Variants in DUOX1 observed in about 807,000 individuals in gnomAD.
The protein encoded by DUOX1 is NADPH thyroid oxidase 1.
In DUOX1, 134 loss-of-function variants were observed where a neutral mutation model predicts 181.8. The observed-to-expected ratio is 0.74, with a 90% CI of 0.64 to 0.85. DUOX1 has a LOEUF of 0.85. Among genes scored for constraint, DUOX1 ranks in the 40% least tolerant of loss-of-function variants. DUOX1 has a pLI of 0.00. For synonymous variants in DUOX1, 798 were observed against 832.5 expected, an observed-to-expected ratio of 0.96 and a Z score of 0.71; for missense variants, 1,814 against 2,064.4, an observed-to-expected ratio of 0.88 and a Z score of 2.35.
rs1385907752 is a variant in DUOX1 at position 45,164,768 on chromosome 15, T to TC, written c.4534-9dup. The TC allele has an allele frequency of 6.2e-7, 1 of 1,614,184 alleles. No individual in the cohort carries two copies. Among genetic ancestry groups the TC allele is most frequent in the South Asian group, 1.1e-5 (1 of 91,086 alleles). On this transcript the variant is annotated splice_polypyrimidine_tract_variant and intron_variant, in intron 33 of 33. Coordinates refer to ENST00000389037, the MANE Select transcript of DUOX1 (RefSeq NM_175940.3). The stretch of plus-strand genomic sequence containing the variant: ...CAAAGAGTTAGCCTCCACTTATTCC[T>TC]CCTGCAACAGGTCCGGAAGATCGGG...
chr15:45,153,488 G>C lies in DUOX1; in HGVS notation c.3524+9G>C, dbSNP rs1392544000. On this transcript the variant is annotated intron_variant, in intron 26 of 33. Coordinates refer to ENST00000389037, the MANE Select transcript of DUOX1 (RefSeq NM_175940.3). ...CTCTTCCATGATGATGGGTGAGTAA[G>C]TGCGAATGTGTGTGTGTGTGTGTGT... 1 of 1,512,866 alleles carries C rather than the reference G, an allele frequency of 6.6e-7. No individual in the cohort carries two copies. The highest frequency in any genetic ancestry group is 2.3e-5 in the East Asian group (1 of 44,420). The allele number at this position is 1,512,866 out of a possible 1,614,324, so 93.7% of individuals were successfully genotyped here. A position where few individuals can be genotyped will look rare whatever the true frequency, so the allele number is the denominator to read the frequency against.
At chr15:45,161,013 G>T (rs759627582) in intron 29 of DUOX1, 23 bp downstream of exon 29, 2 of 1,613,854 alleles carry the variant, frequency 1.2e-6, no homozygotes, top group Admixed American at 1.7e-5. Context: ...CAGGAGATCA[G>T]CTTGGTGACA....
chr15:45,150,003 AC>A (rs1202079676), intron 21 of DUOX1, among the ~76,000 whole-genome samples: 1 of 152,122 alleles, frequency 6.6e-6, no homozygotes, highest in African/African-American at 2.4e-5. Flanking sequence ...TCTTCTTTTG[AC>A]CTCAACTATA....
At position 45,163,972 on chromosome 15, in the gene DUOX1, C is replaced by A; in HGVS notation, c.4533+54C>A. Reference sequence around the variant, plus strand: ...TCCTCTTTATCATTTGGGGTCTGAGCAAAGCTCCCAAACCTTCCCCATCGA... The same window carrying A: ...TCCTCTTTATCATTTGGGGTCTGAGAAAAGCTCCCAAACCTTCCCCATCGA... On this transcript the variant is annotated intron_variant, in intron 33 of 33. Transcript: ENST00000389037. 5 of 1,590,368 alleles carry A rather than the reference C, an allele frequency of 3.1e-6. No homozygotes were observed. The South Asian group carries it at 5.7e-5, about 18-fold the overall frequency.
rs1896694415 is a variant in DUOX1, at chr15:45,147,836, C to A, written c.2549-68C>A. The stretch of plus-strand genomic sequence containing the variant: ...GGGTCATCACACTGGTGTGAGGCCC[C>A]TTTTGGCCAGCCTGGGGGTTCAGGC... On this transcript the variant is annotated intron_variant, in intron 19 of 33. Transcript: ENST00000389037. 3 of 1,543,810 alleles carry A rather than the reference C, an allele frequency of 1.9e-6. No homozygotes were observed. In the Admixed American group the frequency reaches 5.0e-5, roughly 26 times the overall value.
In DUOX1 at chr15:45,136,610, C is replaced by T. The variant is rs372507382; in HGVS notation, c.1007C>T (p.Pro336Leu). 1 of 1,613,970 alleles carries T rather than the reference C, an allele frequency of 6.2e-7. No homozygotes were observed. Among genetic ancestry groups the T allele is most frequent in the African/African-American group, 1.3e-5 (1 of 74,906 alleles). ...CAGTTCCTGTCCACCATGGTGCCCC[C>T]TGGCGTCTACATGAGGTGAGGGAGG... is the stretch of plus-strand genomic sequence containing the variant. ...SEQFLSTMVP[P>L]GVYMRNASCH... Residue 336 changes from proline to leucine, a missense_variant, in exon 9 of 34, where the codon CCT becomes CTT. Around this residue, in one of 5 missense-constraint regions of DUOX1, gnomAD observed 1,064 missense variants for 1,152.9 expected, o/e 0.92. Transcript: ENST00000389037.
Position 45,150,711 on chromosome 15 carries a change from C to T in DUOX1, c.2888+10C>T. On this transcript the variant is annotated intron_variant, in intron 22 of 33. Coordinates refer to ENST00000389037, the MANE Select transcript of DUOX1 (RefSeq NM_175940.3). ...GCCAGGATATGATCTGGTGAGCACC[C>T]ATCTGGGAATGTCGGGGGGAGGAGT... 2 of 1,613,526 alleles carry T rather than the reference C, an allele frequency of 1.2e-6. No homozygotes were observed. The highest frequency in any genetic ancestry group is 2.7e-5 in the African/African-American group (2 of 75,012).
At chr15:45,133,112 C>A (rs1896196402) in intron 2 of DUOX1, among the ~76,000 whole-genome samples, 1 of 152,174 alleles carries the variant, frequency 6.6e-6, no homozygotes, top group Non-Finnish European at 1.5e-5. Flanking sequence ...ATCCCTGATT[C>A]CATTATCCAT....
Position 45,151,252 on chromosome 15 carries a change from T to G in DUOX1, c.3014+4T>G, listed in dbSNP as rs775585515. On this transcript the variant is annotated splice_donor_region_variant and intron_variant, in intron 23 of 33. Coordinates refer to ENST00000389037, the MANE Select transcript of DUOX1 (RefSeq NM_175940.3). ...TTCGGCGGAGGTTTGGCAAGAAGTA[T>G]GTCTGCTCTTCCCCTTAAGCCCAGG... 1 of 1,613,602 alleles carries G rather than the reference T, an allele frequency of 6.2e-7. No homozygotes were observed. Among genetic ancestry groups the G allele is most frequent in the South Asian group, 1.1e-5 (1 of 90,988 alleles).
chr15:45,135,996 A>C, intron 7 of DUOX1, 48 bp downstream of exon 7: 1 of 782,676 alleles, frequency 1.3e-6, no homozygotes, highest in South Asian at 1.8e-5. Flanking sequence ...GTGCAAGCCC[A>C]CGGGAGACTC....
rs1303859028 is a variant in DUOX1, at chr15:45,137,921, C to T, written c.1023-3C>T. 1.2e-6 allele frequency: 2 copies of T among 1,601,440 alleles called. No homozygotes were observed. Among genetic ancestry groups the T allele is most frequent in the South Asian group, 1.1e-5 (1 of 89,064 alleles). ...CACCATCTCCCTGCTCCTTGCATTT[C>T]AGAAATGCCAGCTGCCACTTCCAGG... On this transcript the variant is annotated splice_polypyrimidine_tract_variant and splice_region_variant and intron_variant, in intron 9 of 33. Transcript: ENST00000389037.
Position 45,151,133 on chromosome 15 carries a change from AGAGT to A in DUOX1, c.2905_2908del (p.Ser969ProfsTer12), listed in dbSNP as rs1896790401. ...CCATTCTTGTCTTAGTCCCTCTCCC[AGAGT>A]GAGTGCCCGCTGTTCCCGCAGCGAC... On this transcript the variant is annotated frameshift_variant, in exon 23 of 34. Coordinates refer to ENST00000389037, the MANE Select transcript of DUOX1 (RefSeq NM_175940.3). LOFTEE classifies it high-confidence loss of function. 2 of 1,614,128 alleles carry A rather than the reference AGAGT, an allele frequency of 1.2e-6. No individual in the cohort carries two copies. Among genetic ancestry groups the A allele is most frequent in the Non-Finnish European group, 1.7e-6 (2 of 1,180,016 alleles).
rs144461893 is a variant in DUOX1, at chr15:45,164,806, G to C, written c.4561G>C (p.Gly1521Arg). 515 of 1,614,114 alleles carry C rather than the reference G, an allele frequency of 3.2e-4. 6 individuals are homozygous for C. The highest frequency in any genetic ancestry group is 1.7e-3 in the South Asian group (157 of 91,076). Residue 1521 changes from glycine to arginine, a missense_variant, in exon 34 of 34, where the codon GGC becomes CGC. Transcript: ENST00000389037. ...QVRKIGVFSCGPPGMTKNVEK... is the reference protein window; with the variant it reads ...QVRKIGVFSCRPPGMTKNVEK... ...CCGGAAGATCGGGGTGTTTAGCTGTGGCCCCCCTGGCATGACCAAGAATGT... is the reference window on the plus strand; with the variant it reads ...CCGGAAGATCGGGGTGTTTAGCTGTCGCCCCCCTGGCATGACCAAGAATGT...
At position 45,154,601 on chromosome 15, in the gene DUOX1, T is replaced by TG. The variant is rs1328317294; in HGVS notation, c.3574+601_3574+602insG. ...CTCTGTGAAACACAGCATGGTTTTT[T>TG]TTTTTTTTTTAATCCTAAAATGATC... On this transcript the variant is annotated intron_variant, in intron 27 of 33. Transcript: ENST00000389037. Among the ~76,000 whole-genome samples the TG allele has an allele frequency of 2.6e-5, 4 of 151,470 alleles. 1 individual carries two copies. Among genetic ancestry groups the TG allele is most frequent in the Non-Finnish European group, 2.9e-5 (2 of 67,852 alleles).
intron 15 of DUOX1, among the ~76,000 whole-genome samples, chr15:45,142,801 G>A (rs62025130): frequency 0.47 from 67,802 of 143,072 alleles, 16,428 homozygotes; most frequent in South Asian, 0.61. Context: ...GGGAGGAAGG[G>A]AGGGAGGAAG....
At chr15:45,142,767 A>AGGAAGGAAGGAAGGAAGGAAG (rs1279416229) in intron 15 of DUOX1, among the ~76,000 whole-genome samples, 1 of 115,160 alleles carries the variant, frequency 8.7e-6, no homozygotes, top group African/African-American at 3.1e-5. Context: ...AAGGAAGGAA[A>AGGAAGGAAGGAAGGAAGGAAG]GAAGGAAGGA....
At chr15:45,151,085 G>C (rs1253399772) in intron 22 of DUOX1, 38 bp from the exon 23 acceptor site, 2 of 1,611,178 alleles carry the variant, frequency 1.2e-6, no homozygotes, top group Admixed American at 1.7e-5. Context: ...GAGTGGTTGA[G>C]ATGGCCAGCA....
intron 33 of DUOX1, 41 bp downstream of exon 33, chr15:45,163,959 T>A (rs1434003739): frequency 1.0e-5 from 16 of 1,604,160 alleles, no homozygotes; most frequent in Non-Finnish European, 1.4e-5. Flanking sequence ...CTCTTTATCA[T>A]TTGGGGTCTG....
chr15:45,148,330 G>C lies in DUOX1; in HGVS notation c.2701G>C (p.Glu901Gln), dbSNP rs375654277. ...CAAGGCCCAGCTGGCTGAGGTGGTG[G>C]AGTCCATGTTCCGGGAGTCGGGATT... ...LSKAQLAEVV[E>Q]SMFRESGFQD... The change falls in exon 21 of 34, where the codon GAG becomes CAG. Residue 901 changes from glutamate to glutamine, a missense_variant. By Grantham distance (29) the Glu-to-Gln change is conservative. Transcript: ENST00000389037. The C allele has an allele frequency of 3.1e-6, 5 of 1,614,098 alleles. No individual in the cohort carries two copies. The highest frequency in any genetic ancestry group is 4.2e-6 in the Non-Finnish European group (5 of 1,180,044).
Sources: allele counts gnomAD v4.1 joint callset (sites outside exome capture counted in the v4.1 genomes callset), GRCh38; gene constraint gnomAD v4.1.1; regional missense constraint gnomAD v4.1.1; transcripts MANE v1.5; gene names NCBI Gene and HGNC (gene_info 2026-07-23, HGNC 2026-07-21).